The following TRIM24 variants were observed in gnomAD, a reference collection of about 807,000 sequenced individuals.
TRIM24 encodes tripartite motif containing 24.
A neutral mutation model predicts 123.9 loss-of-function variants in TRIM24; 29 were observed. The observed-to-expected ratio is 0.23, with a 90% CI of 0.17 to 0.32. The LOEUF is 0.32. TRIM24 is among the 10% of genes least tolerant of loss of function. The pLI is 1.00. For synonymous variants in TRIM24, 456 were observed against 461.1 expected, an observed-to-expected ratio of 0.99 and a Z score of 0.14; for missense variants, 932 against 1,295.3, an observed-to-expected ratio of 0.72 and a Z score of 4.31.
At chr7:138,479,997 T>G (rs2116474890) in intron 1 of TRIM24, among the ~76,000 whole-genome samples, 1 of 151,924 alleles carries the variant, frequency 6.6e-6, no homozygotes, top group South Asian at 2.1e-4. Context: ...TTTTGTGTTT[T>G]TAGTAGAGAC....
At chr7:138,536,141 C>G (rs941886677) in intron 6 of TRIM24, among the ~76,000 whole-genome samples, 1 of 152,156 alleles carries the variant, frequency 6.6e-6, no homozygotes, top group African/African-American at 2.4e-5. Context: ...AGGTTTTTAG[C>G]TTCTTTGCAA....
intron 9 of TRIM24, among the ~76,000 whole-genome samples, chr7:138,556,932 G>A (rs1797326832): frequency 6.6e-6 from 1 of 152,218 alleles, no homozygotes; most frequent in South Asian, 2.1e-4. Flanking sequence ...CACAAAACTC[G>A]TGGTACAGGC....
At chr7:138,499,977 A>G (rs887250069) in intron 1 of TRIM24, among the ~76,000 whole-genome samples, 1 of 152,274 alleles carries the variant, frequency 6.6e-6, no homozygotes, top group East Asian at 1.9e-4. Context: ...CTTGTCTGTC[A>G]TGGATGTTGG....
chr7:138,476,042 G>A (rs970802302), intron 1 of TRIM24, among the ~76,000 whole-genome samples: 2 of 152,122 alleles, frequency 1.3e-5, no homozygotes, highest in African/African-American at 2.4e-5. Flanking sequence ...ATTCATGACA[G>A]CTTTCATTTA....
At position 138,571,026 on chromosome 7, in the gene TRIM24, C is replaced by T. The variant is rs200849929; in HGVS notation, c.1878+23C>T. ...GATGTAAGTAGACACAAAATTTATA[C>T]TAGCCTCTGTTGAAAACTGTTGGCC... On this transcript the variant is annotated intron_variant, in intron 11 of 18. Coordinates refer to ENST00000343526, the MANE Select transcript of TRIM24 (RefSeq NM_015905.3). 4.2e-5 allele frequency: 67 copies of T among 1,611,978 alleles called. 1 individual carries two copies. The highest frequency in any genetic ancestry group is 1.3e-5 in the African/African-American group (1 of 74,840).
chr7:138,576,310 C>G, intron 12 of TRIM24, 63 bp from the exon 13 acceptor site: 1 of 1,452,038 alleles, frequency 6.9e-7, no homozygotes, highest in Non-Finnish European at 9.7e-7. Flanking sequence ...TGAACACATT[C>G]AACAGGACTT....
chr7:138,504,003 A>T (rs1796096127), intron 1 of TRIM24, among the ~76,000 whole-genome samples: 1 of 152,186 alleles, frequency 6.6e-6, no homozygotes, highest in Non-Finnish European at 1.5e-5. Flanking sequence ...TTGGAAAACC[A>T]CTGCTAGAGA....
At chr7:138,576,271 A>G (rs1252229578) in intron 12 of TRIM24, 102 bp from the exon 13 acceptor site, 4 of 1,095,866 alleles carry the variant, frequency 3.7e-6, no homozygotes, top group African/African-American at 3.1e-5. Flanking sequence ...GAATTTCATC[A>G]TGGTTCCCAG....
intron 9 of TRIM24, among the ~76,000 whole-genome samples, chr7:138,561,151 T>C (rs537608993): frequency 3.0e-3 from 457 of 152,316 alleles, no homozygotes; most frequent in Non-Finnish European, 5.7e-3. Flanking sequence ...AAAGGGCTCT[T>C]GTCAGGGCTA....
In TRIM24 at chr7:138,535,985, C is replaced by A. The variant is rs905672030; in HGVS notation, c.997-2672C>A. Reference sequence around the variant, plus strand: ...TTCATTTGATCTTCAATCACTGATACCCTTTCTTCCAGTTGATTGAATCAG... The same window carrying A: ...TTCATTTGATCTTCAATCACTGATAACCTTTCTTCCAGTTGATTGAATCAG... On this transcript the variant is annotated intron_variant, in intron 6 of 18. Transcript: ENST00000343526. 4.6e-5 allele frequency among the ~76,000 whole-genome samples: 7 copies of A among 152,244 alleles called. No homozygotes were observed. The South Asian group carries it at 1.2e-3, about 27-fold the overall frequency.
At position 138,483,775 on chromosome 7, in the gene TRIM24, A is replaced by G. The variant is rs185621766; in HGVS notation, c.365-20515A>G. On this transcript the variant is annotated intron_variant, in intron 1 of 18. Coordinates refer to ENST00000343526, the MANE Select transcript of TRIM24 (RefSeq NM_015905.3). Reference sequence around the variant, plus strand: ...GGAGGTAGCCTTTTTATGTAGTATCATGAAAGTGGGGTGCCCCTGGTTCCC... The same window carrying G: ...GGAGGTAGCCTTTTTATGTAGTATCGTGAAAGTGGGGTGCCCCTGGTTCCC... Among the ~76,000 whole-genome samples the G allele has an allele frequency of 4.2e-3, 647 of 152,342 alleles. 6 individuals carry two copies. The highest frequency in any genetic ancestry group is 0.015 in the African/African-American group (632 of 41,584).
chr7:138,559,019 T>C (rs1312356505), intron 9 of TRIM24, among the ~76,000 whole-genome samples: 1 of 152,168 alleles, frequency 6.6e-6, no homozygotes, highest in East Asian at 1.9e-4. Context: ...TGGCAAACAT[T>C]GAAGTATAAG....
chr7:138,525,397 G>A (rs763817922), intron 5 of TRIM24, 40 bp downstream of exon 5: 5 of 1,155,762 alleles, frequency 4.3e-6, no homozygotes, highest in South Asian at 3.9e-5. Flanking sequence ...TATATAATTT[G>A]TTAAGTATAT....
At position 138,544,421 on chromosome 7, in the gene TRIM24, T is replaced by C. The variant is rs1364467144; in HGVS notation, c.1143+5618T>C. Among the ~76,000 whole-genome samples the C allele has an allele frequency of 2.0e-5, 3 of 152,072 alleles. No individual in the cohort carries two copies. In the East Asian group the frequency reaches 5.8e-4, roughly 29 times the overall value. On this transcript the variant is annotated intron_variant, in intron 7 of 18. Transcript: ENST00000343526. ...CTGCAATTTATTTGTCCATGCATCATTGGATACAGGTTGTTTTTCTATCTT... is the reference window on the plus strand; with the variant it reads ...CTGCAATTTATTTGTCCATGCATCACTGGATACAGGTTGTTTTTCTATCTT...
chr7:138,514,498 C>T (rs1796356254), intron 2 of TRIM24: 1 of 152,196 alleles, frequency 6.6e-6, no homozygotes, highest in Non-Finnish European at 1.5e-5. Flanking sequence ...TCATACTTAC[C>T]TTCGTTCAGT....
intron 7 of TRIM24, among the ~76,000 whole-genome samples, chr7:138,543,614 A>T (rs117610779): frequency 2.0e-5 from 3 of 152,166 alleles, no homozygotes; most frequent in Admixed American, 6.6e-5. Context: ...TATTTTAAAA[A>T]ATTTATTTAT....
intron 2 of TRIM24, among the ~76,000 whole-genome samples, chr7:138,506,116 G>A (rs935522065): frequency 1.3e-5 from 2 of 152,150 alleles, no homozygotes; most frequent in Non-Finnish European, 2.9e-5. Context: ...AGAACTACAG[G>A]AATTTAAGGT....
intron 17 of TRIM24, among the ~76,000 whole-genome samples, chr7:138,583,427 C>T (rs1797945207): frequency 1.3e-5 from 2 of 152,226 alleles, no homozygotes; most frequent in South Asian, 2.1e-4. Context: ...TGAGACCAGC[C>T]TGGGCAACAT....
chr7:138,565,802 T>C (rs1797524186), intron 9 of TRIM24, among the ~76,000 whole-genome samples: 1 of 152,190 alleles, frequency 6.6e-6, no homozygotes, highest in Non-Finnish European at 1.5e-5. Context: ...AAATTCATGG[T>C]GTAGGCAAGC....
Sources: allele counts gnomAD v4.1 joint callset (sites outside exome capture counted in the v4.1 genomes callset), GRCh38; gene constraint gnomAD v4.1.1; transcripts MANE v1.5; gene names NCBI Gene and HGNC (gene_info 2026-07-23, HGNC 2026-07-21).